The following DEFB119 variants were observed in gnomAD, a reference collection of about 807,000 sequenced individuals.
DEFB119 encodes the protein beta-defensin 119.
Under a neutral mutation model 2.5 loss-of-function variants are expected in DEFB119, and 3 were observed. The observed-to-expected ratio is 1.19, with a 90% CI of 0.54 to 3.07. The LOEUF (loss-of-function observed/expected upper bound fraction) is 3.07. DEFB119 is among the 30% of genes most tolerant of loss of function. DEFB119 has a pLI of 0.03. For synonymous variants in DEFB119, 29 were observed against 33.7 expected (o/e 0.86, Z 0.48); for missense variants, 113 against 101.1 (o/e 1.12, Z -0.50).
At chr20:31,389,011 A>G (rs1456186181) in intron 1 of DEFB119, 1 of 1,613,862 alleles carries the variant, frequency 6.2e-7, no homozygotes, top group East Asian at 2.2e-5. Context: ...AAGCAACCTG[A>G]AACAAAGTCA....
At chr20:31,381,810 C>CAA (rs58252281) in intron 1 of DEFB119, among the ~76,000 whole-genome samples, 66 of 141,396 alleles carry the variant, frequency 4.7e-4, no homozygotes, top group African/African-American at 1.7e-3. Context: ...GACACTGTCT[C>CAA]AAAAAAAAAA....
At chr20:31,378,698 T>C (rs1285383616) in intron 1 of DEFB119, among the ~76,000 whole-genome samples, 2 of 152,118 alleles carry the variant, frequency 1.3e-5, no homozygotes, top group Admixed American at 6.6e-5. Flanking sequence ...GAGTTGGGGA[T>C]TTTTTTCTTT....
intron 1 of DEFB119, chr20:31,388,823 A>C: frequency 2.2e-6 from 2 of 918,956 alleles, no homozygotes; most frequent in Non-Finnish European, 3.2e-6. Context: ...TAGATGGGGA[A>C]TCATCTTCAA....
intron 1 of DEFB119, among the ~76,000 whole-genome samples, chr20:31,381,714 G>C (rs1034273833): frequency 2.0e-4 from 30 of 152,174 alleles, no homozygotes; most frequent in African/African-American, 6.8e-4. Flanking sequence ...GGGAGGCTGA[G>C]GTGGGAGGAT....
In DEFB119 at chr20:31,377,589, A is replaced by G; in HGVS notation, c.62-150T>C. On this transcript the variant is annotated intron_variant, in intron 1 of 1. Transcript: ENST00000376321. ...TCTACTTCCAGAAAAAAAAGAGTCA[A>G]TGTCTTTTTCTCTATTTGTCCTGCC... 6 of 929,094 alleles carry G rather than the reference A, an allele frequency of 6.5e-6. No homozygotes were observed. In the Middle Eastern group the frequency reaches 1.0e-3, roughly 157 times the overall value. 57.6% of individuals were successfully genotyped at this position (929,094 alleles called of 1,614,324 possible). A position where few individuals can be genotyped will look rare whatever the true frequency, so the allele number is the denominator to read the frequency against.
chr20:31,377,845 T>A (rs1339807320), intron 1 of DEFB119, among the ~76,000 whole-genome samples: 1 of 152,068 alleles, frequency 6.6e-6, no homozygotes, highest in Non-Finnish European at 1.5e-5. Context: ...AAAAGTCTCC[T>A]CTCTCTAGCC....
intron 1 of DEFB119, among the ~76,000 whole-genome samples, chr20:31,386,152 T>C (rs980934455): frequency 6.6e-6 from 1 of 152,058 alleles, no homozygotes; most frequent in African/African-American, 2.4e-5. Context: ...CGGGTGGTGA[T>C]GAGCAAAGGA....
intron 1 of DEFB119, chr20:31,389,107 G>T (rs763475996): frequency 1.9e-6 from 3 of 1,614,076 alleles, no homozygotes; most frequent in South Asian, 1.1e-5. Context: ...TCCATGAATT[G>T]TTACTGGTTG....
intron 1 of DEFB119, among the ~76,000 whole-genome samples, chr20:31,380,969 A>G (rs937094118): frequency 6.6e-6 from 1 of 152,230 alleles, no homozygotes; most frequent in Non-Finnish European, 1.5e-5. Flanking sequence ...TCTACAAAAA[A>G]TCTTGCTGGG....
At chr20:31,383,887 A>T (rs985346283) in intron 1 of DEFB119, among the ~76,000 whole-genome samples, 4 of 152,126 alleles carry the variant, frequency 2.6e-5, no homozygotes, top group African/African-American at 9.7e-5. Context: ...ACAAGATCTG[A>T]TGGTTTTATA....
At chr20:31,388,932 G>A (rs1182739122) in intron 1 of DEFB119, 84 of 1,476,436 alleles carry the variant, frequency 5.7e-5, no homozygotes, top group Non-Finnish European at 7.1e-5. Flanking sequence ...CAATCCATTT[G>A]AAGTATCATT....
chr20:31,386,810 CT>C (rs148428945), intron 1 of DEFB119, among the ~76,000 whole-genome samples: 206 of 108,888 alleles, frequency 1.9e-3, no homozygotes, highest in East Asian at 6.1e-3. Flanking sequence ...TTTTCTTTTT[CT>C]TTTTTTTTTT....
At chr20:31,378,351 C>G in intron 1 of DEFB119, 1 of 1,614,208 alleles carries the variant, frequency 6.2e-7, no homozygotes, top group Non-Finnish European at 8.5e-7. Context: ...CTTCCACCCA[C>G]CTGGCAGTAT....
chr20:31,385,865 G>A (rs537902302), intron 1 of DEFB119, among the ~76,000 whole-genome samples: 8 of 144,296 alleles, frequency 5.5e-5, no homozygotes, highest in African/African-American at 2.3e-4. Context: ...GCAAGACCGT[G>A]TCTCAAAAAA....
chr20:31,387,868 C>T (rs1986770628), intron 1 of DEFB119, among the ~76,000 whole-genome samples: 1 of 152,178 alleles, frequency 6.6e-6, no homozygotes, highest in African/African-American at 2.4e-5. Context: ...CTCCTCACCC[C>T]ATGAGGAGGG....
At chr20:31,388,840 A>G in intron 1 of DEFB119, 2 of 1,075,978 alleles carry the variant, frequency 1.9e-6, no homozygotes, top group Non-Finnish European at 2.6e-6. Context: ...TCAAGACTGT[A>G]ATGATCACAC....
At position 31,377,265 on chromosome 20, in the gene DEFB119, T is replaced by G. The variant is rs550542493; in HGVS notation, c.236A>C (p.Gln79Pro). ...EENTDWSYEK[Q>P]WPRLP ...CAGCACTCAAGGTAGTCTTGGCCAC[T>G]GCTTCTCATAAGACCAGTCGGTATT... is the stretch of plus-strand genomic sequence containing the variant. Residue 79 changes from glutamine to proline, a missense_variant, in exon 2 of 2, where the codon CAG becomes CCG. Gln to Pro is a moderately conservative substitution (Grantham distance 76, BLOSUM62 -1). Coordinates refer to ENST00000376321, the MANE Select transcript of DEFB119 (RefSeq NM_153289.4). The G allele has an allele frequency of 4.3e-6, 7 of 1,613,174 alleles. No individual in the cohort carries two copies. In the South Asian group the frequency reaches 7.7e-5, roughly 18 times the overall value.
At chr20:31,389,009 T>G in intron 1 of DEFB119, 1 of 1,602,972 alleles carries the variant, frequency 6.2e-7, no homozygotes, top group Non-Finnish European at 8.5e-7. Context: ...CTAAGCAACC[T>G]GAAACAAAGT....
At chr20:31,383,533 T>TAAA (rs34549958) in intron 1 of DEFB119, among the ~76,000 whole-genome samples, 4 of 55,472 alleles carry the variant, frequency 7.2e-5, no homozygotes, top group African/African-American at 1.8e-4. Flanking sequence ...GACTCTGTCT[T>TAAA]AAAAAAAAAA....
Sources: allele counts gnomAD v4.1 joint callset (sites outside exome capture counted in the v4.1 genomes callset), GRCh38; gene constraint gnomAD v4.1.1; transcripts MANE v1.5; gene names NCBI Gene and HGNC (gene_info 2026-07-23, HGNC 2026-07-21).